Variants in LYST observed in about 807,000 individuals in gnomAD.
The protein encoded by LYST is lysosomal trafficking regulator.
LYST carries 192 observed loss-of-function variants against 413.6 expected under a neutral mutation model. The observed-to-expected ratio is 0.46, with a 90% CI of 0.41 to 0.52. LYST has a LOEUF of 0.52. LYST is among the 20% of genes least tolerant of loss of function. The probability of loss-of-function intolerance (pLI) is 0.00; values close to 1 mark genes in which losing one functional copy is unlikely to be tolerated. For synonymous variants in LYST, 1,525 were observed against 1,567.3 expected, an observed-to-expected ratio of 0.97 and a Z score of 0.64; for missense variants, 3,815 against 4,499.9, an observed-to-expected ratio of 0.85 and a Z score of 4.35.
intron 1 of LYST, among the ~76,000 whole-genome samples, chr1:235,877,855 CAAA>C (rs59783076): frequency 8.8e-5 from 10 of 113,504 alleles, no homozygotes; most frequent in Admixed American, 1.9e-4. Flanking sequence ...TATCTGCCAC[CAAA>C]AAAAAAAAAA....
At chr1:235,805,576 AAT>A (rs1450864144) in intron 6 of LYST, among the ~76,000 whole-genome samples, 165 bp downstream of exon 6, 1 of 150,044 alleles carries the variant, frequency 6.7e-6, no homozygotes, top group African/African-American at 2.4e-5. Context: ...CATAAAACAT[AAT>A]ATATACACAT....
intron 19 of LYST, among the ~76,000 whole-genome samples, chr1:235,773,581 T>C (rs1414066247): frequency 2.6e-5 from 4 of 152,116 alleles, no homozygotes; most frequent in East Asian, 1.9e-4. Context: ...CCTACTTATA[T>C]GAGATCCTTA....
chr1:235,881,267 T>C (rs1278196375), intron 1 of LYST, among the ~76,000 whole-genome samples: 1 of 152,252 alleles, frequency 6.6e-6, no homozygotes, highest in East Asian at 1.9e-4. Flanking sequence ...CAAGTTCTTC[T>C]GTGTGGAAAA....
In LYST at chr1:235,805,700, G is replaced by A. The variant is rs754314844; in HGVS notation, c.3393+43C>T. 4 of 1,098,430 alleles carry A rather than the reference G, an allele frequency of 3.6e-6. No homozygotes were observed. The East Asian group carries it at 7.2e-5, about 20-fold the overall frequency. 68.0% of individuals were successfully genotyped at this position (1,098,430 alleles called of 1,614,324 possible). ...TATATATGTGTGTGTGTATATATAT[G>A]TATATATATTACATAAGAGTTGGAC... On this transcript the variant is annotated intron_variant, in intron 6 of 52. Coordinates refer to ENST00000389793, the MANE Select transcript of LYST (RefSeq NM_000081.4).
At position 235,803,027 on chromosome 1, in the gene LYST, C is replaced by A; in HGVS notation, c.3593G>T (p.Gly1198Val). The part of the protein sequence containing the change: ...QSAEELSSQP[G>V]DFSEEAEDSQ... ...ATCCTCAGCTTCTTCTGAAAAATCA[C>A]CAGGCTGGGATGACAATTCTTCTGC... Residue 1198 changes from glycine (G) to valine (V), a missense_variant, in exon 8 of 53, where the codon GGT becomes GTT. Gly to Val is a moderately radical substitution (Grantham distance 109). Around this residue, in one of 4 missense-constraint regions of LYST, gnomAD observed 1,648 missense variants for 1,810.3 expected, o/e 0.91. Transcript: ENST00000389793. 1.2e-6 allele frequency: 2 copies of A among 1,613,144 alleles called. No individual in the cohort carries two copies. Among genetic ancestry groups the A allele is most frequent in the Non-Finnish European group, 1.7e-6 (2 of 1,179,616 alleles).
At chr1:235,811,126 C>CA (rs2102895648) in intron 4 of LYST, among the ~76,000 whole-genome samples, 1 of 152,308 alleles carries the variant, frequency 6.6e-6, no homozygotes, top group African/African-American at 2.4e-5. Context: ...GCCCAGGTGA[C>CA]AGAGTGAGAC....
At chr1:235,837,534 T>C (rs1020645773) in intron 1 of LYST, among the ~76,000 whole-genome samples, 1 of 150,714 alleles carries the variant, frequency 6.6e-6, no homozygotes, top group African/African-American at 2.4e-5. Context: ...GGATGAGGTA[T>C]GAGAACTGCT....
rs1291607643 is a variant in LYST, at chr1:235,809,484, A to T, written c.1334T>A (p.Phe445Tyr). 6.2e-7 allele frequency: 1 copy of T among 1,614,080 alleles called. No individual in the cohort carries two copies. The highest frequency in any genetic ancestry group is 8.5e-7 in the Non-Finnish European group (1 of 1,179,998). Residue 445 changes from phenylalanine to tyrosine, a missense_variant, in exon 5 of 53, where the codon TTT becomes TAT. Physicochemically the swap from Phe to Tyr is conservative, Grantham distance 22. This residue lies in a region of LYST where 1,648 missense variants were observed against 1,810.3 expected (regional missense o/e 0.91). Transcript: ENST00000389793. The surrounding 1 kb of genome is among the most constrained non-coding windows in gnomAD (Gnocchi z 4.0). Reference sequence around the variant, plus strand: ...TTCCATTTGAAGAACTGCTGTTTCAAATAAATTAAATCCATGATGCTGAAT... The same window carrying T: ...TTCCATTTGAAGAACTGCTGTTTCATATAAATTAAATCCATGATGCTGAAT... The part of the protein sequence containing the change: ...EFIQHHGFNL[F>Y]ETAVLQMEWL...
chr1:235,688,512 T>C (rs768584634), intron 47 of LYST, among the ~76,000 whole-genome samples: 2 of 152,212 alleles, frequency 1.3e-5, no homozygotes, highest in African/African-American at 2.4e-5. Context: ...TTGGCTTTCA[T>C]TGAACACGGT....
At chr1:235,772,672 C>T (rs1338280317) in intron 19 of LYST, among the ~76,000 whole-genome samples, 1 of 152,124 alleles carries the variant, frequency 6.6e-6, no homozygotes, top group Admixed American at 6.5e-5. Flanking sequence ...TGAAGCCTTG[C>T]CCTATATACC....
At position 235,827,605 on chromosome 1, in the gene LYST, T is replaced by C. The variant is rs1005084238; in HGVS notation, c.192+2621A>G. Reference sequence around the variant, plus strand: ...CAAACATTCATTCTCCATTTCCTAATTGAAAGAACTAAATGTTGATAAAGG... The same window carrying C: ...CAAACATTCATTCTCCATTTCCTAACTGAAAGAACTAAATGTTGATAAAGG... On this transcript the variant is annotated intron_variant, in intron 3 of 52. Transcript: ENST00000389793. The C allele has an allele frequency of 1.6e-5, 16 of 983,648 alleles. No individual in the cohort carries two copies. In the Admixed American group the frequency reaches 1.8e-4, roughly 11 times the overall value. The allele number at this position is 983,648 out of a possible 1,614,324, so 60.9% of individuals were successfully genotyped here. A position where few individuals can be genotyped will look rare whatever the true frequency, so the allele number is the denominator to read the frequency against.
At chr1:235,839,264 GT>G (rs11451182) in intron 1 of LYST, among the ~76,000 whole-genome samples, 1 of 149,044 alleles carries the variant, frequency 6.7e-6, no homozygotes. Context: ...TATATATACA[GT>G]TTTTTTTTTG....
intron 16 of LYST, among the ~76,000 whole-genome samples, chr1:235,778,117 A>T (rs1194413038): frequency 4.1e-5 from 6 of 145,616 alleles, no homozygotes; most frequent in East Asian, 3.9e-4. Context: ...ATATATATAT[A>T]TATATTTTTG....
At chr1:235,857,014 C>T (rs1157284267) in intron 1 of LYST, among the ~76,000 whole-genome samples, 4 of 146,600 alleles carry the variant, frequency 2.7e-5, no homozygotes, top group African/African-American at 5.1e-5. Context: ...GGTGCGATCT[C>T]GGCTCACTGC....
intron 1 of LYST, among the ~76,000 whole-genome samples, chr1:235,836,110 T>A (rs1490406771): frequency 1.3e-5 from 2 of 152,214 alleles, no homozygotes; most frequent in Non-Finnish European, 2.9e-5. Context: ...ATATAGTGAC[T>A]GGTAAAATGT....
At chr1:235,871,900 A>T (rs1250800583), upstream of LYST, among the ~76,000 whole-genome samples, 1 of 152,234 alleles carries the variant, frequency 6.6e-6, no homozygotes, top group Non-Finnish European at 1.5e-5. Flanking sequence ...CATGTCGGGG[A>T]GGAAATGTTT....
chr1:235,754,712 TAGC>T (rs891899498), intron 25 of LYST, among the ~76,000 whole-genome samples: 1 of 152,076 alleles, frequency 6.6e-6, no homozygotes, highest in Non-Finnish European at 1.5e-5. Context: ...AAATTACTTT[TAGC>T]AGATTTTTTC....
intron 23 of LYST, 61 bp downstream of exon 23, chr1:235,758,911 A>G: frequency 6.7e-7 from 1 of 1,493,118 alleles, no homozygotes; most frequent in Non-Finnish European, 9.3e-7. Context: ...CCAGAGGGGT[A>G]GAGAGTCTTT....
intron 45 of LYST, among the ~76,000 whole-genome samples, chr1:235,698,900 A>G (rs1420871634): frequency 6.6e-6 from 1 of 152,030 alleles, no homozygotes; most frequent in Non-Finnish European, 1.5e-5. Context: ...AACAAAAAAA[A>G]TCAACAAATA....
Sources: gnomAD v4.1 joint callset for allele counts (sites outside exome capture counted in the v4.1 genomes callset) on GRCh38, gnomAD v4.1.1 for gene constraint, gnomAD v4.1.1 regional missense constraint, Gnocchi (gnomAD v3.1) non-coding constraint, MANE v1.5 for transcripts, NCBI Gene and HGNC (gene_info 2026-07-23, HGNC 2026-07-21) for gene names.